KCNG4: variants seen among roughly 807,000 people sequenced by gnomAD.
KCNG4 encodes the protein potassium voltage-gated channel modifier subfamily G member 4.
Under a neutral mutation model 28.2 loss-of-function variants are expected in KCNG4, and 30 were observed. The ratio of observed to expected loss-of-function variants is 1.06; its 90% CI spans 0.80 to 1.44. The LOEUF (loss-of-function observed/expected upper bound fraction) is 1.44, where lower values mean the gene tolerates loss of function less well. KCNG4 is among the 40% of genes most tolerant of loss of function. The probability of loss-of-function intolerance (pLI) is 0.00; values close to 1 mark genes in which losing one functional copy is unlikely to be tolerated. For synonymous variants in KCNG4, 375 were observed against 315.5 expected (o/e 1.19, Z -2.00); for missense variants, 879 against 712.3 (o/e 1.23, Z -2.66).
In KCNG4 at chr16:84,222,800, C is replaced by T. The variant is rs1904604835; in HGVS notation, c.977G>A (p.Ser326Asn). Residue 326 changes from serine (S) to asparagine (N), a missense_variant, in exon 3 of 3, where the codon AGC (serine) becomes AAC (asparagine). Coordinates refer to ENST00000308251, the MANE Select transcript of KCNG4 (RefSeq NM_172347.3). Reference sequence around the variant, plus strand: ...CAGCCCCACCTTCTCCAGGTAGGAGCTCCCGCTCGGCCTCTCGCCGTCCTC... The same window carrying T: ...CAGCCCCACCTTCTCCAGGTAGGAGTTCCCGCTCGGCCTCTCGCCGTCCTC... ...PPEDGERPSG[S>N]SYLEKVGLVL... The T allele has an allele frequency of 3.1e-6, 5 of 1,610,304 alleles. No individual in the cohort carries two copies. Among genetic ancestry groups the T allele is most frequent in the Admixed American group, 1.7e-5 (1 of 59,824 alleles).
In KCNG4 at chr16:84,228,804, C is replaced by T. The variant is rs531378579; in HGVS notation, c.757-5784G>A. ...ATCCCACAGGGCGATTGTGGGCACC[C>T]GGGAGACCCGCTGAGGGATGCTGCA... On this transcript the variant is annotated intron_variant, in intron 2 of 2. Coordinates refer to ENST00000308251, the MANE Select transcript of KCNG4 (RefSeq NM_172347.3). 2.6e-5 allele frequency among the ~76,000 whole-genome samples: 4 copies of T among 152,346 alleles called. No homozygotes were observed. The East Asian group carries it at 5.8e-4, about 22-fold the overall frequency.
chr16:84,223,723 ATACTGTTGGC>A (rs1193742650), intron 2 of KCNG4, among the ~76,000 whole-genome samples: 2 of 152,114 alleles, frequency 1.3e-5, no homozygotes, highest in Non-Finnish European at 2.9e-5. Context: ...GGTCTCTTAG[ATACTGTTGGC>A]TATTTTGTAA....
chr16:84,218,869 T>A lies in KCNG4; in HGVS notation c.*3348A>T, dbSNP rs1351542072. The A allele has an allele frequency of 6.6e-6, 1 of 152,174 alleles. No individual in the cohort carries two copies. Among genetic ancestry groups the A allele is most frequent in the Non-Finnish European group, 1.5e-5 (1 of 68,038 alleles). 9.4% of individuals were successfully genotyped at this position (152,174 alleles called of 1,614,324 possible). ...GGCACACTTTGGTGAAGAGGTCTGG[T>A]AGGTGAAGCAGAGGAGAAGGGATAT... On this transcript the variant is annotated 3_prime_UTR_variant, in exon 3 of 3. Coordinates refer to ENST00000308251, the MANE Select transcript of KCNG4 (RefSeq NM_172347.3).
At chr16:84,225,169 G>T (rs1904669380) in intron 2 of KCNG4, among the ~76,000 whole-genome samples, 1 of 152,044 alleles carries the variant, frequency 6.6e-6, no homozygotes, top group Non-Finnish European at 1.5e-5. Flanking sequence ...TCTTCCTGTT[G>T]CTGGATATTA....
intron 2 of KCNG4, among the ~76,000 whole-genome samples, chr16:84,232,758 G>T (rs1391709724): frequency 2.0e-5 from 3 of 151,932 alleles, no homozygotes; most frequent in East Asian, 3.9e-4. Flanking sequence ...AATTAGCCAG[G>T]CGTGATGATG....
At chr16:84,231,512 C>T (rs1357916531) in intron 2 of KCNG4, among the ~76,000 whole-genome samples, 1 of 151,982 alleles carries the variant, frequency 6.6e-6, no homozygotes, top group African/African-American at 2.4e-5. Context: ...GCAGGGAGGA[C>T]AATGAAGGCA....
rs1904994823 is a variant in KCNG4 at position 84,237,318 on chromosome 16, G to A, written c.168C>T (p.Asp56=). 6.3e-7 allele frequency: 1 copy of A among 1,588,588 alleles called. No homozygotes were observed. Among genetic ancestry groups the A allele is most frequent in the East Asian group, 2.2e-5 (1 of 44,598 alleles). ...CGTTGATCAGGATCTCCTTCTTCAG[G>A]TCCACTGGGGAGGCGTCCAGGGCAC... ...KVGALDASPV[D]LKKEILINVG... The change falls in exon 2 of 3, where the codon GAC becomes GAT. Residue 56 remains aspartate (D), a synonymous_variant. Coordinates refer to ENST00000308251, the MANE Select transcript of KCNG4 (RefSeq NM_172347.3).
chr16:84,234,649 TC>T lies in KCNG4; in HGVS notation c.756+2080del, dbSNP rs879726379. 2.4e-4 allele frequency among the ~76,000 whole-genome samples: 37 copies of T among 152,266 alleles called. 1 individual carries two copies. The highest frequency in any genetic ancestry group is 2.1e-3 in the Admixed American group (32 of 15,280). On this transcript the variant is annotated intron_variant, in intron 2 of 2. Transcript: ENST00000308251. ...TGTGGGTTATAGCCCTGGGATCTGT[TC>T]CCCCACCCATCGTGACATTAATTCT...
rs771578127 is a variant in KCNG4 at position 84,237,395 on chromosome 16, T to C, written c.91A>G (p.Met31Val). ...AGGCCCTTGATGGACGGCGTCTCCA[T>C]GGGGCTGGACAGGAGCTGACTCCAA... ...SPWSQLLSSP[M>V]ETPSIKGLYY... Residue 31 changes from methionine (M) to valine (V), a missense_variant, in exon 2 of 3, where the codon ATG (methionine) becomes GTG (valine). Physicochemically the swap from Met to Val is conservative, Grantham distance 21. Transcript: ENST00000308251. 4.6e-6 allele frequency: 7 copies of C among 1,532,968 alleles called. No homozygotes were observed. The Admixed American group carries it at 1.5e-4, about 32-fold the overall frequency. The allele number at this position is 1,532,968 out of a possible 1,614,324, so 95.0% of individuals were successfully genotyped here.
At position 84,222,307 on chromosome 16, in the gene KCNG4, C is replaced by T. The variant is rs757153515; in HGVS notation, c.1470G>A (p.Leu490=). The T allele has an allele frequency of 1.2e-6, 2 of 1,614,152 alleles. No homozygotes were observed. The highest frequency in any genetic ancestry group is 2.2e-5 in the South Asian group (2 of 91,074). The change falls in exon 3 of 3, where the codon CTG becomes CTA. Residue 490 remains leucine (L), a synonymous_variant. Coordinates refer to ENST00000308251, the MANE Select transcript of KCNG4 (RefSeq NM_172347.3). ...NTGPASECEL[L]DPHVASEHEL... is the part of the protein sequence containing the mutation. ...CATGTTCACTGGCCACATGGGGGTCCAGGAGTTCACATTCACTGGCTGGAC... is the reference window on the plus strand; with the variant it reads ...CATGTTCACTGGCCACATGGGGGTCTAGGAGTTCACATTCACTGGCTGGAC...
Position 84,237,182 on chromosome 16 carries a change from C to T in KCNG4, c.304G>A (p.Asp102Asn), listed in dbSNP as rs1481725227. 17 of 1,614,148 alleles carry T rather than the reference C, an allele frequency of 1.1e-5. No individual in the cohort carries two copies. Among genetic ancestry groups the T allele is most frequent in the South Asian group, 2.2e-5 (2 of 91,078 alleles). ...TCCTGGCTGTCCTCGTCGTAATCAT[C>T]GCAGAGCTGCACGATCTCCTCGTAG... ...RSYEEIVQLCDDYDEDSQEFF... is the reference protein window; with the variant it reads ...RSYEEIVQLCNDYDEDSQEFF... Residue 102 changes from aspartate (D) to asparagine (N), a missense_variant, in exon 2 of 3, where the codon GAT becomes AAT. Transcript: ENST00000308251.
intron 2 of KCNG4, among the ~76,000 whole-genome samples, chr16:84,234,662 G>A (rs768682627): frequency 6.6e-6 from 1 of 152,168 alleles, no homozygotes; most frequent in East Asian, 1.9e-4. Context: ...CCCACCCATC[G>A]TGACATTAAT....
chr16:84,222,937 C>T lies in KCNG4; in HGVS notation c.840G>A (p.Arg280=), dbSNP rs932581107. 6.3e-7 allele frequency: 1 copy of T among 1,595,402 alleles called. No individual in the cohort carries two copies. The highest frequency in any genetic ancestry group is 8.5e-7 in the Non-Finnish European group (1 of 1,169,800). The change falls in exon 3 of 3, where the codon CGG becomes CGA. Residue 280 remains arginine (R), a synonymous_variant. Transcript: ENST00000308251. ...GACACTTGTCTTGGGCCTGGACAAA[C>T]CGCAGGCAGAACTCCAGGGAGAACC... The part of the protein sequence containing the change: ...VAWFSLEFCL[R]FVQAQDKCQF...
At position 84,222,493 on chromosome 16, in the gene KCNG4, A is replaced by C; in HGVS notation, c.1284T>G (p.Ser428Arg). The C allele has an allele frequency of 6.2e-7, 1 of 1,613,410 alleles. No homozygotes were observed. Among genetic ancestry groups the C allele is most frequent in the Non-Finnish European group, 8.5e-7 (1 of 1,179,698 alleles). ...TVGYGDMVPR[S>R]VPGQMVALSS... ...TGAGGGCCACCATCTGGCCTGGCACACTGCGGGGCACCATGTCCCCGTAGC... is the reference window on the plus strand; with the variant it reads ...TGAGGGCCACCATCTGGCCTGGCACCCTGCGGGGCACCATGTCCCCGTAGC... Residue 428 changes from serine to arginine, a missense_variant, in exon 3 of 3, where the codon AGT becomes AGG. Transcript: ENST00000308251.
At chr16:84,223,890 AG>A (rs1281114653) in intron 2 of KCNG4, among the ~76,000 whole-genome samples, 8 of 152,232 alleles carry the variant, frequency 5.3e-5, no homozygotes, top group African/African-American at 1.7e-4. Flanking sequence ...TGGGGCAGAG[AG>A]GGTTCCTGAA....
At position 84,222,449 on chromosome 16, in the gene KCNG4, A is replaced by T. The variant is rs769216072; in HGVS notation, c.1328T>A (p.Ile443Asn). The change falls in exon 3 of 3, where the codon ATC becomes AAC. Residue 443 changes from isoleucine to asparagine, a missense_variant. Physicochemically the swap from Ile to Asn is moderately radical, Grantham distance 149. Transcript: ENST00000308251. ...CGTGGCCGGGAAGGCCATGATGAGG[A>T]TCCCGCTCAGGATGCTGCTGAGGGC... ...MVALSSILSG[I>N]LIMAFPATSI... 15 of 1,613,904 alleles carry T rather than the reference A, an allele frequency of 9.3e-6. No homozygotes were observed.
rs760980516 is a variant in KCNG4 at position 84,222,263 on chromosome 16, T to C, written c.1514A>G (p.Asn505Ser). 18 of 1,614,066 alleles carry C rather than the reference T, an allele frequency of 1.1e-5. No individual in the cohort carries two copies. The East Asian group carries it at 3.8e-4, about 34-fold the overall frequency. The part of the protein sequence containing the change: ...ASEHELMNDV[N>S]DLILEGPALP... Reference sequence around the variant, plus strand: ...GGCTGGGCCCTCCAGGATTAGGTCATTGACATCGTTCATGAGCTCATGTTC... The same window carrying C: ...GGCTGGGCCCTCCAGGATTAGGTCACTGACATCGTTCATGAGCTCATGTTC... The change falls in exon 3 of 3, where the codon AAT (asparagine) becomes AGT (serine). Residue 505 changes from asparagine to serine, a missense_variant. Transcript: ENST00000308251.
intron 2 of KCNG4, among the ~76,000 whole-genome samples, chr16:84,224,860 C>T (rs1904661534): frequency 6.6e-6 from 1 of 152,202 alleles, no homozygotes; most frequent in South Asian, 2.1e-4. Flanking sequence ...ACTTTCTGTG[C>T]CCTACCAGCC....
chr16:84,239,161 GC>G (rs1433295796), intron 1 of KCNG4, among the ~76,000 whole-genome samples: 2 of 152,310 alleles, frequency 1.3e-5, no homozygotes, highest in East Asian at 3.9e-4. Flanking sequence ...CAATTTCAGA[GC>G]CGGTTGGATT....
Sources: allele counts gnomAD v4.1 joint callset (sites outside exome capture counted in the v4.1 genomes callset), GRCh38; gene constraint gnomAD v4.1.1; transcripts MANE v1.5; gene names NCBI Gene and HGNC (gene_info 2026-07-23, HGNC 2026-07-21).